The following MFHAS1 variants were observed in gnomAD, a reference collection of about 807,000 sequenced individuals.
The protein encoded by MFHAS1 is multifunctional ROCO family signaling regulator 1, also known as malignant fibrous histiocytoma-amplified sequence 1.
MFHAS1 carries 50 observed loss-of-function variants against 70.4 expected under a neutral mutation model. That is an observed-to-expected ratio of 0.71 (90% confidence interval 0.57 to 0.90). MFHAS1 has a LOEUF of 0.90. MFHAS1 is among the 40% of genes least tolerant of loss of function. The pLI is 0.00. For synonymous variants in MFHAS1, 952 were observed against 620.0 expected (o/e 1.54, Z -7.96); for missense variants, 1,795 against 1,347.6 (o/e 1.33, Z -5.20).
chr8:8,859,914 A>T (rs1020726140), intron 1 of MFHAS1: 1 of 152,194 alleles, frequency 6.6e-6, no homozygotes, highest in African/African-American at 2.4e-5. Flanking sequence ...TTTAAGTGAT[A>T]TCTGGTATTA....
At chr8:8,876,446 T>A (rs1024517746) in intron 1 of MFHAS1, among the ~76,000 whole-genome samples, 1 of 151,976 alleles carries the variant, frequency 6.6e-6, no homozygotes, top group Admixed American at 6.6e-5. Context: ...AAGAAACCAC[T>A]GTTGTCGGCC....
chr8:8,857,440 A>G (rs1482890942), intron 1 of MFHAS1, among the ~76,000 whole-genome samples: 1 of 152,108 alleles, frequency 6.6e-6, no homozygotes, highest in African/African-American at 2.4e-5. Context: ...CCATTCAGCC[A>G]CTGAAATAAT....
chr8:8,891,147 G>A lies in MFHAS1; in HGVS notation c.1912C>T (p.Leu638Phe), dbSNP rs1228933113. The A allele has an allele frequency of 4.3e-6, 7 of 1,613,650 alleles. No homozygotes were observed. In the Admixed American group the frequency reaches 6.7e-5, roughly 15 times the overall value. The change falls in exon 1 of 3, where the codon CTT becomes TTT. Residue 638 changes from leucine (L) to phenylalanine (F), a missense_variant. Coordinates refer to ENST00000276282, the MANE Select transcript of MFHAS1 (RefSeq NM_004225.3). This position sits in a 1 kb window ranked among gnomAD's most constrained non-coding sequence, Gnocchi z 5.4. Reference protein sequence around the residue: ...SCRDPRHLRRLRDKLLSVAEH... With the variant: ...SCRDPRHLRRFRDKLLSVAEH... ...GCAACTGACAGCAACTTGTCCCGAA[G>A]GCGTCGTAAGTGGCGCGGGTCCCTG...
At chr8:8,790,662 A>G (rs1222668196) in intron 2 of MFHAS1, among the ~76,000 whole-genome samples, 1 of 152,214 alleles carries the variant, frequency 6.6e-6, no homozygotes, top group East Asian at 1.9e-4. Context: ...TCTATATTTT[A>G]AAATTCTGTG....
chr8:8,831,492 C>T (rs1032704879), intron 1 of MFHAS1, among the ~76,000 whole-genome samples: 24 of 152,220 alleles, frequency 1.6e-4, no homozygotes, highest in Middle Eastern at 3.4e-3. Flanking sequence ...GGGAAAAATA[C>T]ATCTCCACAA....
intron 2 of MFHAS1, among the ~76,000 whole-genome samples, chr8:8,786,556 T>C (rs1307237319): frequency 1.3e-5 from 2 of 152,192 alleles, no homozygotes; most frequent in African/African-American, 2.4e-5. Flanking sequence ...ATCTGGAGTC[T>C]GATCAATATA....
chr8:8,813,190 T>C (rs1207746072), intron 1 of MFHAS1, among the ~76,000 whole-genome samples: 1 of 152,266 alleles, frequency 6.6e-6, no homozygotes, highest in Admixed American at 6.5e-5. Context: ...ATTATTCTTA[T>C]GTTTGCAGTG....
At chr8:8,829,951 G>C (rs954255944) in intron 1 of MFHAS1, among the ~76,000 whole-genome samples, 8 of 152,198 alleles carry the variant, frequency 5.3e-5, no homozygotes, top group African/African-American at 1.9e-4. Flanking sequence ...TGTTCAACTA[G>C]AACAGTGCTT....
chr8:8,797,576 G>A (rs1169520488), intron 1 of MFHAS1, 85 bp from the exon 2 acceptor site: 1 of 1,438,370 alleles, frequency 7.0e-7, no homozygotes, highest in Admixed American at 1.9e-5. Flanking sequence ...CCCGGGGATG[G>A]GGGCAGGGGG....
intron 1 of MFHAS1, among the ~76,000 whole-genome samples, chr8:8,864,868 C>T (rs10108954): frequency 0.13 from 19,243 of 152,042 alleles, 2,872 homozygotes; most frequent in African/African-American, 0.36. Flanking sequence ...AACATGGTGC[C>T]GAAATTGTCT....
chr8:8,831,237 ACT>A, intron 1 of MFHAS1, among the ~76,000 whole-genome samples: 1 of 151,376 alleles, frequency 6.6e-6, no homozygotes, highest in South Asian at 2.1e-4. Flanking sequence ...CTCCTTATAG[ACT>A]CTATCTCCAA....
intron 2 of MFHAS1, among the ~76,000 whole-genome samples, chr8:8,793,792 G>A (rs1358416637): frequency 1.3e-5 from 2 of 152,204 alleles, no homozygotes; most frequent in South Asian, 2.1e-4. Flanking sequence ...TCAGAAAGTC[G>A]TGTACACACG....
chr8:8,836,192 A>C (rs747245578), intron 1 of MFHAS1, among the ~76,000 whole-genome samples: 3 of 152,232 alleles, frequency 2.0e-5, no homozygotes, highest in Non-Finnish European at 4.4e-5. Flanking sequence ...AAGGCTGTGT[A>C]TGTGAGAAAA....
Position 8,785,707 on chromosome 8 carries a change from G to A in MFHAS1, c.*315C>T, listed in dbSNP as rs1211215539. On this transcript the variant is annotated 3_prime_UTR_variant, in exon 3 of 3. Coordinates refer to ENST00000276282, the MANE Select transcript of MFHAS1 (RefSeq NM_004225.3). ...CTGTAACTATGGCTTATATGTGCACGGAAAACAAAATCCCTGAGAAGCCAT... is the reference window on the plus strand; with the variant it reads ...CTGTAACTATGGCTTATATGTGCACAGAAAACAAAATCCCTGAGAAGCCAT... 15 of 345,192 alleles carry A rather than the reference G, an allele frequency of 4.3e-5. No homozygotes were observed. Among genetic ancestry groups the A allele is most frequent in the East Asian group, 4.1e-4 (8 of 19,418 alleles). 21.4% of individuals were successfully genotyped at this position (345,192 alleles called of 1,614,324 possible). A position where few individuals can be genotyped will look rare whatever the true frequency, so the allele number is the denominator to read the frequency against.
At chr8:8,879,819 C>T (rs1416918363) in intron 1 of MFHAS1, among the ~76,000 whole-genome samples, 1 of 152,184 alleles carries the variant, frequency 6.6e-6, no homozygotes, top group East Asian at 1.9e-4. Context: ...CTGTATAGAG[C>T]AGGTATTCAA....
intron 2 of MFHAS1, among the ~76,000 whole-genome samples, chr8:8,792,843 T>C (rs1563175780): frequency 6.6e-6 from 1 of 152,228 alleles, no homozygotes; most frequent in Non-Finnish European, 1.5e-5. Context: ...TTTAAAAATG[T>C]ATCTGTCACA....
At chr8:8,816,140 C>G (rs966618079) in intron 1 of MFHAS1, among the ~76,000 whole-genome samples, 1 of 152,052 alleles carries the variant, frequency 6.6e-6, no homozygotes, top group Non-Finnish European at 1.5e-5. Flanking sequence ...AGATCAGTGG[C>G]TGCTGGGGGT....
rs907238096 is a variant in MFHAS1 at position 8,892,095 on chromosome 8, G to C, written c.964C>G (p.Leu322Val). ...CGGTTATTATCCAGCCACAAGGTGA[G>C]AAGCCGGCCCAGGCCCGAGATAAGG... ...PSLISGLGRL[L>V]TLWLDNNRIR... Residue 322 changes from leucine to valine, a missense_variant, in exon 1 of 3, where the codon CTC becomes GTC. Leu to Val is a conservative substitution (Grantham distance 32, BLOSUM62 1). Transcript: ENST00000276282. This position sits in a 1 kb window ranked among gnomAD's most constrained non-coding sequence, Gnocchi z 4.7. 19 of 1,613,332 alleles carry C rather than the reference G, an allele frequency of 1.2e-5. No individual in the cohort carries two copies. The highest frequency in any genetic ancestry group is 1.6e-5 in the Non-Finnish European group (19 of 1,180,048).
chr8:8,787,011 A>C (rs576857832), intron 2 of MFHAS1, among the ~76,000 whole-genome samples: 63 of 152,060 alleles, frequency 4.1e-4, no homozygotes, highest in African/African-American at 1.3e-3. Flanking sequence ...TAGGTTGTTC[A>C]CTCTAGTGCA....
Sources: allele counts gnomAD v4.1 joint callset (sites outside exome capture counted in the v4.1 genomes callset), GRCh38; gene constraint gnomAD v4.1.1; non-coding constraint Gnocchi (gnomAD v3.1); transcripts MANE v1.5; gene names NCBI Gene and HGNC (gene_info 2026-07-23, HGNC 2026-07-21).